SYTL5: variants seen among roughly 807,000 people sequenced by gnomAD.
SYTL5 encodes the protein synaptotagmin like 5.
A neutral mutation model predicts 55.9 loss-of-function variants in SYTL5; 34 were observed. The ratio of observed to expected loss-of-function variants is 0.61; its 90% CI spans 0.46 to 0.81. The LOEUF is 0.81. Ranked by LOEUF, SYTL5 falls within the 30% of genes least tolerant of loss-of-function variation. SYTL5 has a pLI of 0.00. For missense variants in SYTL5, 637 were observed against 546.7 expected, an observed-to-expected ratio of 1.17 and a Z score of -1.65; for synonymous variants, 221 against 188.7, an observed-to-expected ratio of 1.17 and a Z score of -1.40.
chrX:38,040,455 C>G lies in SYTL5; in HGVS notation c.119+6447C>G, dbSNP rs188727758. ...TCTATTTTTTTAACTCATTAACCATCCCCCCCCCGACCCGAGCCCCACACT... is the reference window on the plus strand; with the variant it reads ...TCTATTTTTTTAACTCATTAACCATGCCCCCCCCGACCCGAGCCCCACACT... On this transcript the variant is annotated intron_variant, in intron 2 of 16. Transcript: ENST00000297875. Among the ~76,000 whole-genome samples the G allele has an allele frequency of 8.5e-3, 876 of 102,950 alleles. 5 individuals are homozygous for G. The highest frequency in any genetic ancestry group is 0.015 in the Non-Finnish European group (747 of 50,057). The allele number at this position is 102,950 out of a possible 115,157, so 89.4% of individuals were successfully genotyped here. A position where few individuals can be genotyped will look rare whatever the true frequency, so the allele number is the denominator to read the frequency against.
At chrX:37,976,722 G>A in the SYTL5 span, among the ~76,000 whole-genome samples, 1 of 108,009 alleles carries the variant, frequency 9.3e-6, no homozygotes, top group African/African-American at 3.4e-5. Flanking sequence ...TGTAATCCCA[G>A]CACTTTGGAA....
chrX:37,934,263 G>C, the SYTL5 span, among the ~76,000 whole-genome samples: 5 of 110,510 alleles, frequency 4.5e-5, no homozygotes, highest in Non-Finnish European at 7.6e-5. Context: ...CTTGAAATCA[G>C]CTATTTTATA....
intron 8 of SYTL5, among the ~76,000 whole-genome samples, chrX:38,094,739 A>G (rs894925609): frequency 8.9e-6 from 1 of 112,004 alleles, no homozygotes; most frequent in African/African-American, 3.2e-5. Context: ...TACATTTGCT[A>G]TAACAGATAA....
At chrX:38,120,236 G>T in intron 13 of SYTL5, 122 bp from the exon 14 acceptor site, 1 of 508,900 alleles carries the variant, frequency 2.0e-6, no homozygotes, top group Non-Finnish European at 3.4e-6. Flanking sequence ...AGCGAACAGA[G>T]TTGAAATGAG....
chrX:37,944,170 T>C, the SYTL5 span, among the ~76,000 whole-genome samples: 2 of 111,491 alleles, frequency 1.8e-5, no homozygotes, highest in Non-Finnish European at 3.8e-5. Context: ...TTATGGATTG[T>C]TTATGGCCCT....
chrX:38,039,523 A>G (rs965353826), intron 2 of SYTL5, among the ~76,000 whole-genome samples: 1 of 112,113 alleles, frequency 8.9e-6, no homozygotes, highest in African/African-American at 3.2e-5. Flanking sequence ...TCATTAACAA[A>G]TTTTTACTCT....
At chrX:38,096,632 C>G (rs1207931243) in intron 9 of SYTL5, among the ~76,000 whole-genome samples, 1 of 110,933 alleles carries the variant, frequency 9.0e-6, no homozygotes, top group African/African-American at 3.3e-5. Context: ...TAAACTGAGA[C>G]AAAATTATGT....
At chrX:37,957,806 G>A in the SYTL5 span, among the ~76,000 whole-genome samples, 1,558 of 112,183 alleles carry the variant, frequency 0.014, 21 homozygotes, top group African/African-American at 0.048. Context: ...TGTAAATAAT[G>A]CCATTTGAAT....
chrX:38,084,295 C>G (rs1268305052), intron 6 of SYTL5, among the ~76,000 whole-genome samples: 1 of 112,345 alleles, frequency 8.9e-6, no homozygotes, highest in Non-Finnish European at 1.9e-5. Context: ...ATACCTCACC[C>G]TACGCATCTC....
chrX:38,112,184 C>A (rs1937375640), intron 13 of SYTL5, among the ~76,000 whole-genome samples: 1 of 111,636 alleles, frequency 9.0e-6, no homozygotes, highest in African/African-American at 3.3e-5. Flanking sequence ...ACAGCCTCCA[C>A]CTGAGACTCT....
intron 3 of SYTL5, among the ~76,000 whole-genome samples, chrX:38,055,374 G>A (rs1935754198): frequency 9.0e-6 from 1 of 111,510 alleles, no homozygotes; most frequent in African/African-American, 3.3e-5. Flanking sequence ...TGTTTTCTCA[G>A]TTCAGTTAAA....
chrX:38,050,374 G>T (rs999947276), intron 2 of SYTL5, among the ~76,000 whole-genome samples: 5 of 111,392 alleles, frequency 4.5e-5, no homozygotes, highest in Non-Finnish European at 9.4e-5. Flanking sequence ...TTTGATGATG[G>T]GATGGAAAAA....
the SYTL5 span, among the ~76,000 whole-genome samples, chrX:37,950,053 C>T: frequency 9.0e-6 from 1 of 111,489 alleles, no homozygotes; most frequent in African/African-American, 3.3e-5. Context: ...CAGCCCTTTT[C>T]CGTATTTTAT....
chrX:37,967,623 T>C, the SYTL5 span, among the ~76,000 whole-genome samples: 3 of 111,791 alleles, frequency 2.7e-5, no homozygotes, highest in African/African-American at 9.8e-5. Context: ...GTTTTGGATA[T>C]TATTTATTTG....
the SYTL5 span, among the ~76,000 whole-genome samples, chrX:37,938,766 C>T: frequency 1.8e-5 from 2 of 111,443 alleles, no homozygotes; most frequent in African/African-American, 6.5e-5. Context: ...GAGCTTTTTC[C>T]CTTTTATCAG....
At chrX:38,083,240 A>T (rs777269502) in intron 6 of SYTL5, among the ~76,000 whole-genome samples, 1 of 111,285 alleles carries the variant, frequency 9.0e-6, no homozygotes, top group African/African-American at 3.3e-5. Context: ...ATGCTAAAAA[A>T]CAAAAATATT....
the SYTL5 span, among the ~76,000 whole-genome samples, chrX:37,968,323 A>G: frequency 9.0e-6 from 1 of 111,655 alleles, no homozygotes; most frequent in African/African-American, 3.3e-5. Flanking sequence ...TTGTTTAAAC[A>G]TCTTACACCT....
the SYTL5 span, among the ~76,000 whole-genome samples, chrX:37,932,207 G>A: frequency 1.1e-4 from 12 of 111,833 alleles, no homozygotes; most frequent in Non-Finnish European, 1.9e-4. Context: ...CGAGGGGCAT[G>A]GAGCAGTAAA....
the SYTL5 span, among the ~76,000 whole-genome samples, chrX:38,000,791 G>A: frequency 3.6e-5 from 4 of 111,765 alleles, no homozygotes; most frequent in African/African-American, 9.8e-5. Flanking sequence ...AAGCCAGAAG[G>A]GAGATGGAGT....
Sources: allele counts gnomAD v4.1 joint callset (sites outside exome capture counted in the v4.1 genomes callset), GRCh38; gene constraint gnomAD v4.1.1; transcripts MANE v1.5; gene names NCBI Gene and HGNC (gene_info 2026-07-23, HGNC 2026-07-21).